Variants in KLHL1 observed in about 807,000 individuals in gnomAD.
KLHL1 encodes kelch-like protein 1.
A neutral mutation model predicts 77.7 loss-of-function variants in KLHL1; 47 were observed. The observed-to-expected ratio is 0.60, with a 90% CI of 0.48 to 0.77. The LOEUF (loss-of-function observed/expected upper bound fraction) is 0.77. KLHL1 is among the 30% of genes least tolerant of loss of function. The pLI is 0.00. For synonymous variants in KLHL1, 360 were observed against 325.2 expected (o/e 1.11, Z -1.15); for missense variants, 925 against 910.8 (o/e 1.02, Z -0.20).
intron 1 of KLHL1, among the ~76,000 whole-genome samples, chr13:70,059,889 C>T (rs1161556708): frequency 6.6e-6 from 1 of 152,104 alleles, no homozygotes; most frequent in Non-Finnish European, 1.5e-5. Context: ...CATGAGAACT[C>T]ACTCACTATC....
chr13:69,983,576 C>CAAAAAAAAAAAA (rs1282357751), intron 1 of KLHL1, among the ~76,000 whole-genome samples: 2 of 40,790 alleles, frequency 4.9e-5, no homozygotes, highest in African/African-American at 1.1e-4. Flanking sequence ...CCTATCTTTA[C>CAAAAAAAAAAAA]AAAAAAAAAA....
rs371460869 is a variant in KLHL1, at chr13:69,788,750, A to G, written c.1639+7988T>C. 6.6e-5 allele frequency among the ~76,000 whole-genome samples: 10 copies of G among 152,224 alleles called. No individual in the cohort carries two copies. In the South Asian group the frequency reaches 1.0e-3, roughly 16 times the overall value. On this transcript the variant is annotated intron_variant, in intron 7 of 10. Coordinates refer to ENST00000377844, the MANE Select transcript of KLHL1 (RefSeq NM_020866.3). ...CAGTGTATAAATAATATTAAGCAAT[A>G]AATACTTGGAGCTCCAGGTACACAG...
At chr13:70,052,266 C>T (rs1886646963) in intron 1 of KLHL1, among the ~76,000 whole-genome samples, 1 of 151,542 alleles carries the variant, frequency 6.6e-6, no homozygotes. Flanking sequence ...TTTTAAGGAA[C>T]AAATCATCCT....
intron 1 of KLHL1, among the ~76,000 whole-genome samples, chr13:69,997,717 A>C (rs888775358): frequency 6.8e-6 from 1 of 147,802 alleles, no homozygotes; most frequent in Non-Finnish European, 1.5e-5. Flanking sequence ...ATATTACATA[A>C]ACATATGTAT....
intron 10 of KLHL1, among the ~76,000 whole-genome samples, chr13:69,706,521 C>T (rs1359198259): frequency 6.6e-6 from 1 of 151,864 alleles, no homozygotes; most frequent in Non-Finnish European, 1.5e-5. Context: ...TGTTCAAGTT[C>T]TTTAGATAAA....
At chr13:69,909,609 A>G (rs990482614) in intron 4 of KLHL1, among the ~76,000 whole-genome samples, 1 of 152,000 alleles carries the variant, frequency 6.6e-6, no homozygotes, top group African/African-American at 2.4e-5. Flanking sequence ...AATTTAACAC[A>G]TAATAATAAT....
intron 1 of KLHL1, among the ~76,000 whole-genome samples, chr13:69,979,810 T>C (rs750564569): frequency 3.9e-5 from 6 of 152,176 alleles, no homozygotes; most frequent in Non-Finnish European, 7.4e-5. Flanking sequence ...CAACCTAACA[T>C]ATATAAAAAT....
intron 4 of KLHL1, among the ~76,000 whole-genome samples, chr13:69,933,824 A>AT (rs1883084509): frequency 6.6e-6 from 1 of 151,876 alleles, no homozygotes; most frequent in African/African-American, 2.4e-5. Flanking sequence ...AGAAAAAAAA[A>AT]TCACAAAGTT....
At chr13:69,734,397 T>C (rs1873682038) in intron 8 of KLHL1, among the ~76,000 whole-genome samples, 1 of 152,132 alleles carries the variant, frequency 6.6e-6, no homozygotes, top group Non-Finnish European at 1.5e-5. Flanking sequence ...CAGTTTCGGG[T>C]ATTTCTTTAT....
intron 1 of KLHL1, among the ~76,000 whole-genome samples, chr13:70,100,523 C>T (rs531080084): frequency 7.9e-5 from 12 of 152,086 alleles, no homozygotes; most frequent in East Asian, 7.7e-4. Flanking sequence ...TTAGTAGAGA[C>T]GGGGTTTCAC....
intron 5 of KLHL1, among the ~76,000 whole-genome samples, chr13:69,861,547 T>C (rs1164515400): frequency 1.3e-5 from 2 of 152,020 alleles, no homozygotes; most frequent in Non-Finnish European, 2.9e-5. Context: ...TATGCATATA[T>C]ATGCATATGT....
intron 7 of KLHL1, among the ~76,000 whole-genome samples, chr13:69,795,004 C>T (rs1877040215): frequency 1.3e-5 from 2 of 152,066 alleles, no homozygotes; most frequent in African/African-American, 4.8e-5. Flanking sequence ...CAATCTTAGG[C>T]CGAGGATGTT....
chr13:69,860,000 C>G (rs1276411110), intron 5 of KLHL1, among the ~76,000 whole-genome samples: 1 of 152,040 alleles, frequency 6.6e-6, no homozygotes, highest in Admixed American at 6.6e-5. Context: ...CCATCCCTGA[C>G]TTATTCACCC....
rs1361368596 is a variant in KLHL1 at position 69,700,919 on chromosome 13, TAC to T, written c.*781_*782del. On this transcript the variant is annotated 3_prime_UTR_variant, in exon 11 of 11. Transcript: ENST00000377844. ...ATTCAGAATCACTAGCTTCCATGCTTACACTGAACTCAACATAAGGCAAAAGC... is the reference window on the plus strand; with the variant it reads ...ATTCAGAATCACTAGCTTCCATGCTTACTGAACTCAACATAAGGCAAAAGC... The T allele has an allele frequency of 6.6e-6, 1 of 152,358 alleles. No homozygotes were observed. The highest frequency in any genetic ancestry group is 1.5e-5 in the Non-Finnish European group (1 of 67,832). 9.4% of individuals were successfully genotyped at this position (152,358 alleles called of 1,614,324 possible). A position where few individuals can be genotyped will look rare whatever the true frequency, so the allele number is the denominator to read the frequency against.
At chr13:69,754,378 A>T (rs1694121210) in intron 7 of KLHL1, among the ~76,000 whole-genome samples, 1 of 152,186 alleles carries the variant, frequency 6.6e-6, no homozygotes, top group Admixed American at 6.6e-5. Flanking sequence ...TTTACAATTT[A>T]ATAAGGGACA....
intron 4 of KLHL1, among the ~76,000 whole-genome samples, chr13:69,933,485 T>C (rs1593962336): frequency 6.6e-6 from 1 of 152,106 alleles, no homozygotes; most frequent in Admixed American, 6.6e-5. Flanking sequence ...ACATGTCGGG[T>C]ATTTTAAAAC....
chr13:69,788,556 A>G (rs1284085371), intron 7 of KLHL1, among the ~76,000 whole-genome samples: 1 of 152,168 alleles, frequency 6.6e-6, no homozygotes, highest in Non-Finnish European at 1.5e-5. Flanking sequence ...GATATGCCTA[A>G]TGCTAAATGA....
At chr13:70,052,348 AT>A (rs1193530541) in intron 1 of KLHL1, among the ~76,000 whole-genome samples, 2 of 151,864 alleles carry the variant, frequency 1.3e-5, no homozygotes, top group Non-Finnish European at 2.9e-5. Flanking sequence ...AAAAAAAAAT[AT>A]TTAAGTTATC....
At chr13:69,820,844 A>T (rs537332625) in intron 6 of KLHL1, among the ~76,000 whole-genome samples, 4 of 152,212 alleles carry the variant, frequency 2.6e-5, no homozygotes, top group Non-Finnish European at 5.9e-5. Context: ...GGGTCAAACA[A>T]ATGTGACGTT....
Sources: allele counts gnomAD v4.1 joint callset (sites outside exome capture counted in the v4.1 genomes callset), GRCh38; gene constraint gnomAD v4.1.1; transcripts MANE v1.5; gene names NCBI Gene and HGNC (gene_info 2026-07-23, HGNC 2026-07-21).